EMC3: variants seen among roughly 807,000 people sequenced by gnomAD.
The protein encoded by EMC3 is 30 kDa protein.
A neutral mutation model predicts 36.6 loss-of-function variants in EMC3; 13 were observed. The observed-to-expected ratio is 0.35, with a 90% CI of 0.23 to 0.56. The LOEUF (loss-of-function observed/expected upper bound fraction) is 0.56. EMC3 is among the 20% of genes least tolerant of loss of function. The probability of loss-of-function intolerance (pLI) is 0.84; values close to 1 mark genes in which losing one functional copy is unlikely to be tolerated. For synonymous variants in EMC3, 120 were observed against 111.9 expected (o/e 1.07, Z -0.46); for missense variants, 220 against 324.5 (o/e 0.68, Z 2.47).
chr3:9,966,132 G>A (rs2085734213), intron 7 of EMC3, among the ~76,000 whole-genome samples: 1 of 151,944 alleles, frequency 6.6e-6, no homozygotes, highest in Admixed American at 6.6e-5. Flanking sequence ...CAACAATAGG[G>A]TTCCAATTTC....
intron 3 of EMC3, among the ~76,000 whole-genome samples, chr3:9,975,517 A>AAG (rs2085837645): frequency 6.6e-6 from 1 of 152,122 alleles, no homozygotes; most frequent in East Asian, 1.9e-4. Context: ...AAAAAAAAAA[A>AAG]AAAGAGATAT....
chr3:9,973,904 G>C (rs2085816503), intron 4 of EMC3, among the ~76,000 whole-genome samples, 195 bp from the exon 5 acceptor site: 1 of 152,148 alleles, frequency 6.6e-6, no homozygotes, highest in Non-Finnish European at 1.5e-5. Context: ...AATAATATCT[G>C]CCTCTAGCTT....
intron 3 of EMC3, among the ~76,000 whole-genome samples, chr3:9,975,471 G>A (rs966620288): frequency 9.3e-5 from 14 of 150,828 alleles, no homozygotes; most frequent in Non-Finnish European, 1.5e-5. Context: ...AGTGGATCCT[G>A]ACAATCTTTT....
intron 1 of EMC3, among the ~76,000 whole-genome samples, chr3:9,998,305 G>T (rs2086152785): frequency 6.6e-6 from 1 of 150,886 alleles, no homozygotes; most frequent in Non-Finnish European, 1.5e-5. Flanking sequence ...GGCAGAGCTT[G>T]CAGTGAGCCG....
chr3:10,000,642 ACTCATTAGTAG>A (rs2086187476), intron 1 of EMC3: 1 of 473,802 alleles, frequency 2.1e-6, no homozygotes, highest in Non-Finnish European at 4.2e-6. Flanking sequence ...GCCAATTATT[ACTCATTAGTAG>A]CTTTTTTAAG....
chr3:9,994,216 T>G, intron 1 of EMC3: 1 of 1,579,212 alleles, frequency 6.3e-7, no homozygotes, highest in South Asian at 1.1e-5. Flanking sequence ...TCATCCATTA[T>G]GTCGCTGGCT....
chr3:10,000,179 C>T (rs2086180520), intron 1 of EMC3, among the ~76,000 whole-genome samples: 1 of 152,096 alleles, frequency 6.6e-6, no homozygotes. Flanking sequence ...GCTGGGATTA[C>T]AGGTGCCCAC....
intron 3 of EMC3, among the ~76,000 whole-genome samples, chr3:9,976,611 G>A (rs2085852874): frequency 6.6e-6 from 1 of 152,104 alleles, no homozygotes; most frequent in East Asian, 1.9e-4. Flanking sequence ...CAGGCACTGG[G>A]TGACAGCCAG....
At chr3:9,983,597 G>C (rs2085935919) in intron 1 of EMC3, among the ~76,000 whole-genome samples, 1 of 152,062 alleles carries the variant, frequency 6.6e-6, no homozygotes. Flanking sequence ...ACTTCAGCTG[G>C]GGAGGCAGAG....
At chr3:9,982,134 G>C (rs1052789671) in intron 1 of EMC3, among the ~76,000 whole-genome samples, 2 of 151,766 alleles carry the variant, frequency 1.3e-5, no homozygotes, top group Non-Finnish European at 2.9e-5. Flanking sequence ...ATTTTTAGTA[G>C]AGATGGGGTT....
At chr3:9,987,260 T>G, upstream of EMC3, 1 of 984,518 alleles carries the variant, frequency 1.0e-6, no homozygotes, top group South Asian at 4.7e-5. Context: ...GGGGACGGCT[T>G]CTCGGTGAGT....
At chr3:10,005,350 A>G (rs545383646) in intron 1 of EMC3, 1 of 152,206 alleles carries the variant, frequency 6.6e-6, no homozygotes, top group Admixed American at 6.5e-5. Context: ...CAACATTCAG[A>G]GAGGGGCAGA....
At chr3:10,001,872 G>A (rs189960160) in intron 1 of EMC3, among the ~76,000 whole-genome samples, 1 of 152,038 alleles carries the variant, frequency 6.6e-6, no homozygotes, top group African/African-American at 2.4e-5. Flanking sequence ...GGTGGCGGGT[G>A]CCTGTAGTCC....
At chr3:9,977,352 G>A (rs2085860968) in intron 2 of EMC3, 37 bp downstream of exon 2, 2 of 1,581,458 alleles carry the variant, frequency 1.3e-6, no homozygotes, top group Non-Finnish European at 1.7e-6. Context: ...GCCCAACAGT[G>A]AATCGTGGAG....
upstream of EMC3, chr3:9,988,371 A>C (rs528643407): frequency 8.5e-6 from 10 of 1,177,862 alleles, no homozygotes; most frequent in African/African-American, 1.1e-4. Flanking sequence ...GCTACTTGTA[A>C]TTCCTCAGGA....
At chr3:9,998,409 T>TC (rs1331215644) in intron 1 of EMC3, among the ~76,000 whole-genome samples, 1 of 104,002 alleles carries the variant, frequency 9.6e-6, no homozygotes, top group Admixed American at 9.9e-5. Flanking sequence ...TAATAATAAT[T>TC]TTGCTTTTAA....
intron 1 of EMC3, among the ~76,000 whole-genome samples, chr3:9,978,762 A>G (rs1483439530): frequency 6.6e-6 from 1 of 151,986 alleles, no homozygotes; most frequent in African/African-American, 2.4e-5. Flanking sequence ...CCAGGAAGGT[A>G]GGGGGTTGCA....
At chr3:9,997,415 T>G (rs1313930892) in intron 1 of EMC3, among the ~76,000 whole-genome samples, 1 of 152,070 alleles carries the variant, frequency 6.6e-6, no homozygotes, top group Non-Finnish European at 1.5e-5. Context: ...CATCAGAACT[T>G]CATTCCCTAC....
intron 2 of EMC3, 136 bp from the exon 3 acceptor site, chr3:9,977,186 C>A (rs954794041): frequency 1.9e-5 from 16 of 858,188 alleles, no homozygotes; most frequent in Non-Finnish European, 2.5e-5. Flanking sequence ...ACTTGGCAGG[C>A]GACCTGACAC....
Sources: allele counts gnomAD v4.1 joint callset (sites outside exome capture counted in the v4.1 genomes callset), GRCh38; gene constraint gnomAD v4.1.1; transcripts MANE v1.5; gene names NCBI Gene and HGNC (gene_info 2026-07-23, HGNC 2026-07-21).